PARL: variants seen among roughly 807,000 people sequenced by gnomAD.
The protein encoded by PARL is presenilin associated rhomboid like.
PARL carries 44 observed loss-of-function variants against 51.6 expected under a neutral mutation model. The observed-to-expected ratio is 0.85, with a 90% confidence interval of 0.67 to 1.10. The LOEUF (loss-of-function observed/expected upper bound fraction) is 1.10, where lower values mean the gene tolerates loss of function less well. PARL is among the 50% of genes least tolerant of loss of function. PARL has a pLI of 0.00. For missense variants in PARL, 441 were observed against 469.5 expected (o/e 0.94, Z 0.56); for synonymous variants, 172 against 164.0 (o/e 1.05, Z -0.37).
intron 7 of PARL, among the ~76,000 whole-genome samples, chr3:183,837,261 T>C (rs1728724117): frequency 6.6e-6 from 1 of 152,008 alleles, no homozygotes; most frequent in Non-Finnish European, 1.5e-5. Context: ...TCAATCAATG[T>C]TGTGGTGGTG....
intron 1 of PARL, among the ~76,000 whole-genome samples, 194 bp downstream of exon 1, chr3:183,884,528 G>C (rs532638797): frequency 6.6e-6 from 1 of 152,182 alleles, no homozygotes; most frequent in African/African-American, 2.4e-5. Context: ...GCAGGCTCGC[G>C]GGGGGCTGGG....
chr3:183,878,087 A>G (rs1455566825), intron 1 of PARL, among the ~76,000 whole-genome samples: 2 of 152,168 alleles, frequency 1.3e-5, no homozygotes, highest in Non-Finnish European at 2.9e-5. Context: ...CACCGCGCCC[A>G]GCCCCAGCCA....
chr3:183,848,400 C>A (rs1395888533), intron 4 of PARL, among the ~76,000 whole-genome samples: 9 of 152,172 alleles, frequency 5.9e-5, no homozygotes, highest in Non-Finnish European at 1.0e-4. Flanking sequence ...CGCTACCACG[C>A]CCAGCTAATT....
In PARL at chr3:183,829,630, T is replaced by G; in HGVS notation, c.1108A>C (p.Asn370His). 1 of 1,614,198 alleles carries G rather than the reference T, an allele frequency of 6.2e-7. No individual in the cohort carries two copies. The highest frequency in any genetic ancestry group is 8.5e-7 in the Non-Finnish European group (1 of 1,180,018). ...LVKIWHEIRT[N>H]GPKKGGGSK ...GAGCCACCTCCTTTTTTGGGGCCAT[T>G]AGTCCTTATTTCATGCCAGATTTTC... is the stretch of plus-strand genomic sequence containing the variant. The change falls in exon 10 of 10, where the codon AAT (asparagine) becomes CAT (histidine). Residue 370 changes from asparagine to histidine, a missense_variant. Coordinates refer to ENST00000317096, the MANE Select transcript of PARL (RefSeq NM_018622.7).
At chr3:183,854,771 A>AT (rs1730957875) in intron 4 of PARL, among the ~76,000 whole-genome samples, 1 of 150,560 alleles carries the variant, frequency 6.6e-6, no homozygotes, top group Non-Finnish European at 1.5e-5. Flanking sequence ...AACAGTTACC[A>AT]TATGACCCAG....
At chr3:183,846,691 A>G in intron 4 of PARL, 1 of 874,020 alleles carries the variant, frequency 1.1e-6, no homozygotes, top group Non-Finnish European at 1.4e-6. Context: ...GGGGCACCCC[A>G]TTAGTAAACA....
chr3:183,864,184 G>A (rs956607803), intron 3 of PARL, among the ~76,000 whole-genome samples: 2 of 152,168 alleles, frequency 1.3e-5, no homozygotes, highest in Non-Finnish European at 2.9e-5. Flanking sequence ...AACACAGATA[G>A]GGCTCATGCT....
At chr3:183,851,230 A>T (rs1202714748) in intron 4 of PARL, among the ~76,000 whole-genome samples, 1 of 152,238 alleles carries the variant, frequency 6.6e-6, no homozygotes, top group Non-Finnish European at 1.5e-5. Flanking sequence ...CATCTTTGTG[A>T]CTTTGAATTA....
At chr3:183,860,312 C>T (rs1428388038) in intron 4 of PARL, among the ~76,000 whole-genome samples, 1 of 152,144 alleles carries the variant, frequency 6.6e-6, no homozygotes, top group Non-Finnish European at 1.5e-5. Context: ...GATTAAGCAC[C>T]ACTTACAGAC....
intron 7 of PARL, 88 bp from the exon 8 acceptor site, chr3:183,833,913 A>C: frequency 1.2e-6 from 1 of 854,238 alleles, no homozygotes; most frequent in South Asian, 1.4e-5. Context: ...CATTTTCTAG[A>C]AAGTTTACAT....
intron 4 of PARL, among the ~76,000 whole-genome samples, chr3:183,848,479 G>A (rs1730210942): frequency 6.6e-6 from 1 of 152,176 alleles, no homozygotes; most frequent in Non-Finnish European, 1.5e-5. Flanking sequence ...CTGACCTCGT[G>A]ATCTGCCCGC....
At chr3:183,884,652 C>T (rs971504675) in intron 1 of PARL, 70 bp downstream of exon 1, 1 of 1,498,226 alleles carries the variant, frequency 6.7e-7, no homozygotes, top group Non-Finnish European at 9.1e-7. Context: ...AGACGGCCTC[C>T]GCCCCCGAGG....
chr3:183,866,623 ACCT>A lies in PARL; in HGVS notation c.461_462+1del, dbSNP rs758037097. On this transcript the variant is annotated splice_donor_variant and coding_sequence_variant, in exon 3 of 10. Coordinates refer to ENST00000317096, the MANE Select transcript of PARL (RefSeq NM_018622.7). LOFTEE classifies it high-confidence loss of function. Reference sequence around the variant, plus strand: ...AAGAAAGAAAGCAGTGTTTATCTTTACCTCCTTTCTGAAGTCTCCTTCTTTTTG... The same window carrying A: ...AAGAAAGAAAGCAGTGTTTATCTTTACCTTTCTGAAGTCTCCTTCTTTTTG... 1 of 1,610,510 alleles carries A rather than the reference ACCT, an allele frequency of 6.2e-7. No homozygotes were observed. Among genetic ancestry groups the A allele is most frequent in the African/African-American group, 1.3e-5 (1 of 74,796 alleles).
intron 6 of PARL, among the ~76,000 whole-genome samples, chr3:183,841,175 G>GT (rs1490010522): frequency 7.9e-5 from 12 of 152,152 alleles, no homozygotes; most frequent in African/African-American, 2.9e-4. Context: ...GGATGATCCC[G>GT]TAAGTCTCTT....
intron 4 of PARL, 141 bp from the exon 5 acceptor site, chr3:183,844,467 G>T (rs533941725): frequency 4.0e-5 from 26 of 653,622 alleles, no homozygotes; most frequent in South Asian, 3.9e-4. Flanking sequence ...CCAAAAAAAA[G>T]CAAGTGAAAT....
intron 7 of PARL, among the ~76,000 whole-genome samples, chr3:183,836,568 G>A (rs758074176): frequency 1.3e-5 from 2 of 152,098 alleles, no homozygotes; most frequent in African/African-American, 2.4e-5. Context: ...TCTCTTCTCA[G>A]AAAACGCTCA....
Position 183,833,505 on chromosome 3 carries a change from C to T in PARL, c.1015G>A (p.Ala339Thr), listed in dbSNP as rs866717856. The T allele has an allele frequency of 1.2e-6, 2 of 1,607,648 alleles. No homozygotes were observed. Among genetic ancestry groups the T allele is most frequent in the Non-Finnish European group, 1.7e-6 (2 of 1,174,252 alleles). The change falls in exon 9 of 10, where the codon GCT becomes ACT. Residue 339 changes from alanine to threonine, a missense_variant. Physicochemically the swap from Ala to Thr is moderately conservative, Grantham distance 58. Transcript: ENST00000317096. ...FFDHAAHLGG[A>T]LFGIWYVTYG... Reference sequence around the variant, plus strand: ...ACTCAAACTTACATTCCAAAAAGAGCTCCCCCAAGATGTGCCGCATGATCA... The same window carrying T: ...ACTCAAACTTACATTCCAAAAAGAGTTCCCCCAAGATGTGCCGCATGATCA...
chr3:183,842,059 C>T (rs752286459), intron 6 of PARL, among the ~76,000 whole-genome samples: 8 of 152,166 alleles, frequency 5.3e-5, no homozygotes, highest in Non-Finnish European at 1.0e-4. Context: ...GCCTGTTTAT[C>T]CTAACTTAAA....
intron 1 of PARL, among the ~76,000 whole-genome samples, chr3:183,871,646 C>T (rs1407735987): frequency 1.3e-5 from 2 of 151,930 alleles, no homozygotes; most frequent in African/African-American, 4.8e-5. Context: ...GATTCTGTGA[C>T]TTCCATTGCT....
Sources: allele counts gnomAD v4.1 joint callset (sites outside exome capture counted in the v4.1 genomes callset), GRCh38; gene constraint gnomAD v4.1.1; transcripts MANE v1.5; gene names NCBI Gene and HGNC (gene_info 2026-07-23, HGNC 2026-07-21).